Variants in ENTREP2 observed in about 807,000 individuals in gnomAD.
ENTREP2 encodes endosomal transmembrane epsin interactor 2, also known as protein ENTREP2.
the ENTREP2 span, among the ~76,000 whole-genome samples, chr15:29,456,486 CA>C: frequency 1.3e-5 from 2 of 152,142 alleles, no homozygotes; most frequent in African/African-American, 4.8e-5. Context: ...GAAACAGAAA[CA>C]AAACCTGCCC....
At chr15:29,567,985 G>A in the ENTREP2 span, among the ~76,000 whole-genome samples, 2 of 152,114 alleles carry the variant, frequency 1.3e-5, no homozygotes, top group Admixed American at 1.3e-4. Context: ...CTTAAATGAC[G>A]AACAACCTTG....
chr15:29,656,747 C>G, the ENTREP2 span, among the ~76,000 whole-genome samples: 1 of 152,140 alleles, frequency 6.6e-6, no homozygotes, highest in Non-Finnish European at 1.5e-5. Flanking sequence ...TCTTATCTTG[C>G]TTGAAAGAAA....
At chr15:29,455,218 G>A in the ENTREP2 span, among the ~76,000 whole-genome samples, 1 of 151,944 alleles carries the variant, frequency 6.6e-6, no homozygotes, top group South Asian at 2.1e-4. Flanking sequence ...TCCTGACAAT[G>A]CAGCCCATCA....
the ENTREP2 span, among the ~76,000 whole-genome samples, chr15:29,130,529 TAAAAGAAAATCTTCTGGTAA>T: frequency 4.6e-5 from 7 of 152,170 alleles, no homozygotes; most frequent in African/African-American, 1.7e-4. Context: ...CTCCGCTGTC[TAAAAGAAAATCTTCTGGTAA>T]TAAAGAAATA....
the ENTREP2 span, among the ~76,000 whole-genome samples, chr15:29,457,900 C>T: frequency 9.3e-3 from 1,417 of 152,292 alleles, 19 homozygotes; most frequent in African/African-American, 0.032. Context: ...GGATGAGGCA[C>T]GGCTTCCTCA....
chr15:29,478,014 T>C, the ENTREP2 span, among the ~76,000 whole-genome samples: 2 of 64,418 alleles, frequency 3.1e-5, no homozygotes, highest in African/African-American at 1.6e-4. Context: ...TATATATATA[T>C]ATATATTTTT....
chr15:29,361,693 G>T, the ENTREP2 span, among the ~76,000 whole-genome samples: 1 of 152,184 alleles, frequency 6.6e-6, no homozygotes, highest in Non-Finnish European at 1.5e-5. Flanking sequence ...CAATTCTGAC[G>T]ACCACTCTGT....
the ENTREP2 span, among the ~76,000 whole-genome samples, chr15:29,651,381 A>G: frequency 6.6e-6 from 1 of 152,184 alleles, no homozygotes; most frequent in Non-Finnish European, 1.5e-5. Context: ...GACATTCTGG[A>G]AAGGATCCTA....
chr15:29,537,211 G>T, the ENTREP2 span, among the ~76,000 whole-genome samples: 1 of 152,116 alleles, frequency 6.6e-6, no homozygotes, highest in African/African-American at 2.4e-5. Flanking sequence ...CAAGGGAGGG[G>T]ACTACCAAGC....
the ENTREP2 span, among the ~76,000 whole-genome samples, chr15:29,517,555 C>A: frequency 2.0e-5 from 3 of 152,122 alleles, no homozygotes; most frequent in Non-Finnish European, 4.4e-5. Context: ...TTAAAAAATT[C>A]TATAGCCTTT....
the ENTREP2 span, among the ~76,000 whole-genome samples, chr15:29,484,171 A>T: frequency 2.0e-4 from 30 of 152,236 alleles, no homozygotes; most frequent in Non-Finnish European, 7.3e-5. Context: ...CTCCTTCAAG[A>T]GCTAGAACAA....
chr15:29,219,610 CATAAATATATATATATATATATATAT>C, the ENTREP2 span, among the ~76,000 whole-genome samples: 3 of 97,994 alleles, frequency 3.1e-5, no homozygotes, highest in African/African-American at 5.0e-5. Flanking sequence ...AACTGTGGTG[CATAAATATATATATATATATATATAT>C]ATATATATAT....
At chr15:29,450,118 G>A in the ENTREP2 span, among the ~76,000 whole-genome samples, 2 of 149,984 alleles carry the variant, frequency 1.3e-5, no homozygotes, top group South Asian at 4.1e-4. Context: ...TTGTACATTT[G>A]TTTAAGTTCC....
the ENTREP2 span, among the ~76,000 whole-genome samples, chr15:29,342,417 C>T: frequency 6.6e-6 from 1 of 152,202 alleles, no homozygotes; most frequent in Admixed American, 6.5e-5. Context: ...CTTGGTTGTT[C>T]TCAGTCTTCT....
chr15:29,665,632 C>T, the ENTREP2 span, among the ~76,000 whole-genome samples: 1 of 152,166 alleles, frequency 6.6e-6, no homozygotes, highest in African/African-American at 2.4e-5. Flanking sequence ...CTCTTTCTTC[C>T]TGAACAGCAT....
At chr15:29,216,905 A>G in the ENTREP2 span, among the ~76,000 whole-genome samples, 2 of 152,238 alleles carry the variant, frequency 1.3e-5, no homozygotes, top group African/African-American at 4.8e-5. Context: ...AGACAAATTA[A>G]GAGTCCTTTA....
At chr15:29,168,348 A>G in the ENTREP2 span, among the ~76,000 whole-genome samples, 9 of 152,314 alleles carry the variant, frequency 5.9e-5, no homozygotes, top group Non-Finnish European at 1.3e-4. Flanking sequence ...AAAAAAACCT[A>G]CTACACATAG....
At chr15:29,128,988 C>T in the ENTREP2 span, 1 of 628,906 alleles carries the variant, frequency 1.6e-6, no homozygotes, top group East Asian at 2.7e-5. Context: ...TTCATCCACA[C>T]CTCCACTCTT....
the ENTREP2 span, among the ~76,000 whole-genome samples, chr15:29,627,770 T>C: frequency 6.6e-6 from 1 of 152,184 alleles, no homozygotes; most frequent in South Asian, 2.1e-4. Flanking sequence ...TTATTTCACT[T>C]TGCACATGTT....
Sources: gnomAD v4.1 joint callset for allele counts (sites outside exome capture counted in the v4.1 genomes callset) on GRCh38, gnomAD v4.1.1 for gene constraint, MANE v1.5 for transcripts, NCBI Gene and HGNC (gene_info 2026-07-23, HGNC 2026-07-21) for gene names.